CLMP: variants seen among roughly 807,000 people sequenced by gnomAD.
CLMP encodes CXADR like cell adhesion molecule.
Under a neutral mutation model 45.2 loss-of-function variants are expected in CLMP, and 27 were observed. The ratio of observed to expected loss-of-function variants is 0.60; its 90% CI spans 0.44 to 0.82. The LOEUF (loss-of-function observed/expected upper bound fraction) is 0.82, where lower values mean the gene tolerates loss of function less well. Ranked by LOEUF, CLMP falls within the 40% of genes least tolerant of loss-of-function variation. CLMP has a pLI of 0.00. For missense variants in CLMP, 403 were observed against 448.4 expected, an observed-to-expected ratio of 0.90 and a Z score of 0.91; for synonymous variants, 167 against 171.4, an observed-to-expected ratio of 0.97 and a Z score of 0.20.
chr11:123,101,277 C>A (rs1866056492), intron 1 of CLMP, among the ~76,000 whole-genome samples: 1 of 152,062 alleles, frequency 6.6e-6, no homozygotes, highest in Non-Finnish European at 1.5e-5. Context: ...GCTGATTTTT[C>A]TGTATTTTTA....
intron 1 of CLMP, among the ~76,000 whole-genome samples, chr11:123,099,845 T>C (rs1866034546): frequency 6.6e-6 from 1 of 152,180 alleles, no homozygotes; most frequent in Admixed American, 6.6e-5. Flanking sequence ...CATGATCTCT[T>C]GCTTAAGGAA....
At chr11:123,114,409 G>A (rs1347510735) in intron 1 of CLMP, among the ~76,000 whole-genome samples, 1 of 150,826 alleles carries the variant, frequency 6.6e-6, no homozygotes, top group East Asian at 1.9e-4. Flanking sequence ...AAGAATTGAA[G>A]GAGCTGCATT....
intron 5 of CLMP, among the ~76,000 whole-genome samples, chr11:123,081,803 A>G (rs1317686991): frequency 6.6e-6 from 1 of 151,612 alleles, no homozygotes; most frequent in Non-Finnish European, 1.5e-5. Context: ...CAGAGGCTGC[A>G]GTAAGCCAAG....
chr11:123,173,209 A>T (rs1861659068), intron 1 of CLMP, among the ~76,000 whole-genome samples: 1 of 152,268 alleles, frequency 6.6e-6, no homozygotes, highest in Non-Finnish European at 1.5e-5. Context: ...GTTGGGAACA[A>T]GCCAGTGCCA....
chr11:123,178,993 T>G (rs556944036), intron 1 of CLMP, among the ~76,000 whole-genome samples: 16 of 152,274 alleles, frequency 1.1e-4, no homozygotes, highest in Non-Finnish European at 2.4e-4. Flanking sequence ...CCTATGTTGC[T>G]CAGGCTGGTC....
intron 1 of CLMP, among the ~76,000 whole-genome samples, chr11:123,121,305 G>A (rs1451120470): frequency 6.6e-6 from 1 of 151,710 alleles, no homozygotes; most frequent in African/African-American, 2.4e-5. Flanking sequence ...GTTTTGTTTT[G>A]TTTTGTTTTT....
At chr11:123,125,943 GAGCACATAGGA>G (rs1860888622) in intron 1 of CLMP, among the ~76,000 whole-genome samples, 1 of 151,932 alleles carries the variant, frequency 6.6e-6, no homozygotes, top group African/African-American at 2.4e-5. Context: ...CGCACAGCAG[GAGCACATAGGA>G]AGCACCCACT....
intron 1 of CLMP, among the ~76,000 whole-genome samples, chr11:123,118,961 C>A (rs1046225547): frequency 2.5e-5 from 1 of 39,744 alleles, no homozygotes; most frequent in South Asian, 1.3e-3. Flanking sequence ...TTCTTTCTTT[C>A]TTTCTTTCTT....
At chr11:123,186,565 G>A (rs987482779) in intron 1 of CLMP, among the ~76,000 whole-genome samples, 5 of 151,802 alleles carry the variant, frequency 3.3e-5, no homozygotes, top group Non-Finnish European at 7.4e-5. Context: ...TCACCCAGAG[G>A]CTGGAATGCA....
intron 1 of CLMP, among the ~76,000 whole-genome samples, chr11:123,175,208 A>C (rs1296547158): frequency 2.0e-5 from 3 of 152,184 alleles, no homozygotes; most frequent in Non-Finnish European, 4.4e-5. Flanking sequence ...GTAATTTATA[A>C]AGAAAGGTTT....
At chr11:123,155,818 CAT>C (rs760719298) in intron 1 of CLMP, among the ~76,000 whole-genome samples, 2 of 152,088 alleles carry the variant, frequency 1.3e-5, no homozygotes, top group Non-Finnish European at 2.9e-5. Context: ...AGTCATAAAA[CAT>C]ATTATGGCTT....
Position 123,174,420 on chromosome 11 carries a change from G to A in CLMP, c.28+20493C>T, listed in dbSNP as rs139291033. Among the ~76,000 whole-genome samples the A allele has an allele frequency of 2.4e-4, 37 of 152,304 alleles. 1 individual carries two copies. The highest frequency in any genetic ancestry group is 1.9e-3 in the East Asian group (10 of 5,190). ...TAGGCAAAGATCATCTGGACTAGGCGACATCCTATCCTGAATCCAGCTTCT... is the reference window on the plus strand; with the variant it reads ...TAGGCAAAGATCATCTGGACTAGGCAACATCCTATCCTGAATCCAGCTTCT... On this transcript the variant is annotated intron_variant, in intron 1 of 6. Coordinates refer to ENST00000448775, the MANE Select transcript of CLMP (RefSeq NM_024769.5).
At chr11:123,141,969 C>T (rs1861167380) in intron 1 of CLMP, among the ~76,000 whole-genome samples, 1 of 148,090 alleles carries the variant, frequency 6.8e-6, no homozygotes, top group African/African-American at 2.5e-5. Context: ...ATTGAGCTAA[C>T]CAAAATCCCC....
chr11:123,086,416 G>A (rs894388413), intron 2 of CLMP, among the ~76,000 whole-genome samples: 1 of 152,186 alleles, frequency 6.6e-6, no homozygotes, highest in Non-Finnish European at 1.5e-5. Flanking sequence ...ACTAAAAAAG[G>A]CATGCAAGCA....
At position 123,108,604 on chromosome 11, in the gene CLMP, A is replaced by G. The variant is rs191772696; in HGVS notation, c.29-10652T>C. ...GGGGAAAGGGAATGAGGGAAAAGGG[A>G]GAAGGTGAGGGAAAGGAAAGGAAGA... On this transcript the variant is annotated intron_variant, in intron 1 of 6. Coordinates refer to ENST00000448775, the MANE Select transcript of CLMP (RefSeq NM_024769.5). Among the ~76,000 whole-genome samples the G allele has an allele frequency of 3.7e-3, 562 of 151,930 alleles. 2 individuals are homozygous for G. The highest frequency in any genetic ancestry group is 0.014 in the Middle Eastern group (4 of 294).
chr11:123,146,930 G>T (rs1008730663), intron 1 of CLMP, among the ~76,000 whole-genome samples: 9 of 152,116 alleles, frequency 5.9e-5, no homozygotes, highest in Admixed American at 4.6e-4. Flanking sequence ...AACCAGCGAG[G>T]CATGTTTGAT....
At chr11:123,185,047 T>C (rs537338874) in intron 1 of CLMP, among the ~76,000 whole-genome samples, 3 of 152,118 alleles carry the variant, frequency 2.0e-5, no homozygotes, top group African/African-American at 7.2e-5. Flanking sequence ...CCTCTGTAGA[T>C]GAGGCGGCGG....
chr11:123,118,966 T>C (rs1860760827), intron 1 of CLMP, among the ~76,000 whole-genome samples: 2 of 44,266 alleles, frequency 4.5e-5, no homozygotes, highest in Admixed American at 3.0e-4. Flanking sequence ...TCTTTCTTTC[T>C]TTCTTTCTTT....
At chr11:123,139,548 C>A (rs1024138961) in intron 1 of CLMP, among the ~76,000 whole-genome samples, 1 of 152,072 alleles carries the variant, frequency 6.6e-6, no homozygotes, top group Non-Finnish European at 1.5e-5. Context: ...GTAGAAGGGT[C>A]GGGCGCTGTG....
Sources: allele counts gnomAD v4.1 joint callset (sites outside exome capture counted in the v4.1 genomes callset), GRCh38; gene constraint gnomAD v4.1.1; transcripts MANE v1.5; gene names NCBI Gene and HGNC (gene_info 2026-07-23, HGNC 2026-07-21).